HIVEP3: variants seen among roughly 807,000 people sequenced by gnomAD.
HIVEP3 encodes the protein transcription factor HIVEP3.
A neutral mutation model predicts 152.8 loss-of-function variants in HIVEP3; 49 were observed. That is an observed-to-expected ratio of 0.32 (90% CI 0.26 to 0.41). The LOEUF is 0.41. Ranked by LOEUF, HIVEP3 falls within the 10% of genes least tolerant of loss-of-function variation. The probability of loss-of-function intolerance (pLI) is 1.00; values close to 1 mark genes in which losing one functional copy is unlikely to be tolerated. For missense variants in HIVEP3, 2,790 were observed against 3,103.3 expected (o/e 0.90, Z 2.40); for synonymous variants, 1,269 against 1,289.0 (o/e 0.98, Z 0.33).
At chr1:41,706,488 G>T (rs1208025594) in intron 1 of HIVEP3, among the ~76,000 whole-genome samples, 1 of 152,206 alleles carries the variant, frequency 6.6e-6, no homozygotes, top group Non-Finnish European at 1.5e-5. Flanking sequence ...CAGCATGTTG[G>T]CCAGGCTGGC....
intron 2 of HIVEP3, among the ~76,000 whole-genome samples, chr1:41,631,690 G>A (rs1367912503): frequency 2.0e-5 from 3 of 152,086 alleles, no homozygotes; most frequent in Non-Finnish European, 4.4e-5. Context: ...ACAGTGGAGA[G>A]GCTTGCTCTG....
chr1:41,913,847 G>A (rs143570311), intron 1 of HIVEP3, among the ~76,000 whole-genome samples: 16 of 152,206 alleles, frequency 1.1e-4, no homozygotes, highest in Non-Finnish European at 1.9e-4. Context: ...TCTACTATTT[G>A]TTTATTAGCT....
chr1:42,030,337 C>G (rs1043950593), intron 1 of HIVEP3, among the ~76,000 whole-genome samples: 2 of 152,072 alleles, frequency 1.3e-5, no homozygotes, highest in African/African-American at 4.8e-5. Context: ...TAATGTGGCC[C>G]AGAGAAGCCA....
At chr1:41,973,659 T>C (rs1272801976) in intron 1 of HIVEP3, among the ~76,000 whole-genome samples, 1 of 152,220 alleles carries the variant, frequency 6.6e-6, no homozygotes, top group African/African-American at 2.4e-5. Context: ...CTTTTATTCA[T>C]TGAAAGCAGT....
chr1:41,672,577 T>C (rs1645894339), intron 2 of HIVEP3, among the ~76,000 whole-genome samples: 1 of 152,190 alleles, frequency 6.6e-6, no homozygotes, highest in Non-Finnish European at 1.5e-5. Context: ...GGAAGATGTT[T>C]ATTATTTATC....
chr1:41,943,335 T>A (rs921293613), intron 1 of HIVEP3, among the ~76,000 whole-genome samples: 5 of 152,270 alleles, frequency 3.3e-5, no homozygotes, highest in Admixed American at 2.6e-4. Context: ...TCTCTTTGAA[T>A]GTATCATATT....
rs1430197777 is a variant in HIVEP3, at chr1:41,511,271, G to A, written c.6406-5C>T. 3 of 1,590,406 alleles carry A rather than the reference G, an allele frequency of 1.9e-6. No homozygotes were observed. Among genetic ancestry groups the A allele is most frequent in the Non-Finnish European group, 2.6e-6 (3 of 1,167,616 alleles). ...ACTTCGGGACTCGGCCTTCTGCTGG[G>A]GTCAGAAAACAAGACAAGGTAAGGT... On this transcript the variant is annotated splice_polypyrimidine_tract_variant and splice_region_variant and intron_variant, in intron 8 of 8. Transcript: ENST00000372583. This position sits in a 1 kb window ranked among gnomAD's most constrained non-coding sequence, Gnocchi z 4.9.
intron 3 of HIVEP3, among the ~76,000 whole-genome samples, chr1:41,621,129 AC>A (rs1220249358): frequency 6.6e-6 from 1 of 152,118 alleles, no homozygotes; most frequent in Non-Finnish European, 1.5e-5. Flanking sequence ...GAAAGGCATC[AC>A]CCGGCTTCCT....
chr1:42,006,617 A>T (rs1645461033), intron 1 of HIVEP3, among the ~76,000 whole-genome samples: 1 of 149,310 alleles, frequency 6.7e-6, no homozygotes, highest in South Asian at 2.1e-4. Flanking sequence ...TTCACACTTT[A>T]GTGAGTCTCT....
intron 1 of HIVEP3, among the ~76,000 whole-genome samples, chr1:41,762,296 G>A (rs1647743479): frequency 6.6e-6 from 1 of 152,174 alleles, no homozygotes; most frequent in South Asian, 2.1e-4. Flanking sequence ...AACTGTCAGT[G>A]TAATCTCATT....
intron 1 of HIVEP3, among the ~76,000 whole-genome samples, chr1:41,833,193 G>GTTCAACACT (rs1248449977): frequency 6.6e-6 from 1 of 152,224 alleles, no homozygotes; most frequent in African/African-American, 2.4e-5. Context: ...CAAGTTCAAA[G>GTTCAACACT]GAGCAAATGC....
At chr1:41,715,763 G>A (rs931550685) in intron 1 of HIVEP3, among the ~76,000 whole-genome samples, 1 of 152,198 alleles carries the variant, frequency 6.6e-6, no homozygotes, top group Non-Finnish European at 1.5e-5. Flanking sequence ...GACTATGGTT[G>A]GGCCTCAATA....
At chr1:41,815,193 G>A (rs956643244) in intron 1 of HIVEP3, among the ~76,000 whole-genome samples, 24 of 152,320 alleles carry the variant, frequency 1.6e-4, no homozygotes, top group East Asian at 7.7e-4. Flanking sequence ...GGCAGAAGGG[G>A]GTCAGGTGCA....
chr1:41,758,039 A>G (rs1264393986), intron 1 of HIVEP3, among the ~76,000 whole-genome samples: 1 of 152,208 alleles, frequency 6.6e-6, no homozygotes, highest in Non-Finnish European at 1.5e-5. Context: ...TAACAATTAT[A>G]TATTCTTTAT....
chr1:41,715,796 G>T (rs1209125662), intron 1 of HIVEP3, among the ~76,000 whole-genome samples: 1 of 152,190 alleles, frequency 6.6e-6, no homozygotes, highest in African/African-American at 2.4e-5. Context: ...TCAAACACCA[G>T]GCTTCATGCC....
At chr1:41,897,729 A>G (rs1644552509) in intron 1 of HIVEP3, among the ~76,000 whole-genome samples, 1 of 152,130 alleles carries the variant, frequency 6.6e-6, no homozygotes, top group South Asian at 2.1e-4. Context: ...AGACAAACAC[A>G]GAAGCTCAAA....
intron 1 of HIVEP3, among the ~76,000 whole-genome samples, chr1:41,898,291 G>A (rs534323629): frequency 6.6e-6 from 1 of 152,300 alleles, no homozygotes; most frequent in Admixed American, 6.5e-5. Context: ...AAAGCCAACA[G>A]GGCGGAAGGG....
chr1:41,860,083 T>G (rs1643868604), intron 1 of HIVEP3, among the ~76,000 whole-genome samples: 1 of 152,176 alleles, frequency 6.6e-6, no homozygotes. Flanking sequence ...AAAGATGGCT[T>G]GCGGATCAAC....
intron 1 of HIVEP3, among the ~76,000 whole-genome samples, chr1:41,894,509 T>G (rs1014599520): frequency 6.6e-6 from 1 of 152,226 alleles, no homozygotes; most frequent in Non-Finnish European, 1.5e-5. Context: ...TACATTACCC[T>G]TGAACACTGA....
Sources: allele counts gnomAD v4.1 joint callset (sites outside exome capture counted in the v4.1 genomes callset), GRCh38; gene constraint gnomAD v4.1.1; non-coding constraint Gnocchi (gnomAD v3.1); transcripts MANE v1.5; gene names NCBI Gene and HGNC (gene_info 2026-07-23, HGNC 2026-07-21).